KIAA1671: variants seen among roughly 807,000 people sequenced by gnomAD.
KIAA1671 encodes uncharacterized protein KIAA1671.
A neutral mutation model predicts 131.2 loss-of-function variants in KIAA1671; 52 were observed. That is an observed-to-expected ratio of 0.40 (90% CI 0.32 to 0.50). The LOEUF (loss-of-function observed/expected upper bound fraction) is 0.50. Ranked by LOEUF, KIAA1671 falls within the 20% of genes least tolerant of loss-of-function variation. KIAA1671 has a pLI of 0.73. For synonymous variants in KIAA1671, 1,003 were observed against 961.6 expected, an observed-to-expected ratio of 1.04 and a Z score of -0.80; for missense variants, 2,360 against 2,364.2, an observed-to-expected ratio of 1.00 and a Z score of 0.04.
chr22:24,970,995 T>A (rs1922583779), intron 1 of KIAA1671, among the ~76,000 whole-genome samples: 1 of 152,226 alleles, frequency 6.6e-6, no homozygotes, highest in South Asian at 2.1e-4. Context: ...CTCACTCTTG[T>A]TGCCCAGGCT....
intron 6 of KIAA1671, among the ~76,000 whole-genome samples, chr22:25,166,630 T>A (rs1933653161): frequency 6.6e-6 from 1 of 152,204 alleles, no homozygotes; most frequent in African/African-American, 2.4e-5. Flanking sequence ...TGAAAATTGC[T>A]GTCATCATGA....
At chr22:24,963,801 G>A (rs973042499) in intron 1 of KIAA1671, among the ~76,000 whole-genome samples, 7 of 151,742 alleles carry the variant, frequency 4.6e-5, no homozygotes, top group African/African-American at 1.2e-4. Flanking sequence ...TTAGCCGGGC[G>A]TGGTGGCAGG....
intron 1 of KIAA1671, chr22:25,011,002 T>A (rs4496416): frequency 0.69 from 105,163 of 152,040 alleles, 38,045 homozygotes; most frequent in African/African-American, 0.92. Flanking sequence ...TTTGAGACAG[T>A]GTTTCACTCT....
intron 6 of KIAA1671, among the ~76,000 whole-genome samples, chr22:25,100,547 G>A (rs960780409): frequency 1.3e-5 from 2 of 152,216 alleles, no homozygotes; most frequent in African/African-American, 2.4e-5. Flanking sequence ...CCAGCCGTGG[G>A]TTGTGTCACA....
intron 6 of KIAA1671, among the ~76,000 whole-genome samples, chr22:25,092,482 G>T (rs2145879661): frequency 6.6e-6 from 1 of 152,328 alleles, no homozygotes; most frequent in African/African-American, 2.4e-5. Context: ...CTGTAGTGGA[G>T]AGATGAGGGA....
intron 6 of KIAA1671, among the ~76,000 whole-genome samples, chr22:25,131,372 G>C (rs1242452618): frequency 6.6e-6 from 1 of 152,234 alleles, no homozygotes; most frequent in Non-Finnish European, 1.5e-5. Flanking sequence ...TACCTCTTCA[G>C]CTCACAGGTA....
chr22:25,101,102 G>A (rs952805041), intron 6 of KIAA1671, among the ~76,000 whole-genome samples: 3 of 152,160 alleles, frequency 2.0e-5, no homozygotes, highest in Admixed American at 6.5e-5. Context: ...AACTTCAGTC[G>A]CTGTGGTGGA....
chr22:25,179,779 C>T (rs926454198), intron 9 of KIAA1671, among the ~76,000 whole-genome samples: 1 of 152,132 alleles, frequency 6.6e-6, no homozygotes, highest in Non-Finnish European at 1.5e-5. Flanking sequence ...TAAATCCACC[C>T]CTGTATTCTC....
intron 6 of KIAA1671, among the ~76,000 whole-genome samples, chr22:25,095,077 C>G (rs925346569): frequency 4.6e-5 from 7 of 152,218 alleles, no homozygotes; most frequent in African/African-American, 1.7e-4. Context: ...AGTTCACCAG[C>G]CTTCAGACCA....
intron 5 of KIAA1671, 71 bp downstream of exon 5, chr22:25,041,596 G>A: frequency 7.0e-7 from 1 of 1,422,764 alleles, no homozygotes; most frequent in South Asian, 1.5e-5. Context: ...CCGAAACTCA[G>A]ATTTTGTGTG....
rs1568951643 is a variant in KIAA1671, at chr22:25,093,842, C to CTCTCTCTT, written c.4530+44485_4530+44486insTTCTCTCT. On this transcript the variant is annotated intron_variant, in intron 6 of 12. Transcript: ENST00000358431. ...TCTCTCTTTCTCTCTCTGTCTGTCTCTCTCTCTCTCTCTCTCTCTCTCTCT... is the reference window on the plus strand; with the variant it reads ...TCTCTCTTTCTCTCTCTGTCTGTCTCTCTCTCTTTCTCTCTCTCTCTCTCTCTCTCTCT... Among the ~76,000 whole-genome samples, 42 of 64,114 alleles carry CTCTCTCTT rather than the reference C, an allele frequency of 6.6e-4. 9 individuals carry two copies. Among genetic ancestry groups the CTCTCTCTT allele is most frequent in the African/African-American group, 1.3e-3 (27 of 20,058 alleles). 42.1% of individuals were successfully genotyped at this position (64,114 alleles called of 152,430 possible).
intron 6 of KIAA1671, among the ~76,000 whole-genome samples, chr22:25,162,166 TTGTC>T (rs1933468080): frequency 6.6e-6 from 1 of 152,222 alleles, no homozygotes; most frequent in Non-Finnish European, 1.5e-5. Flanking sequence ...GATTGGCACA[TTGTC>T]AGCGCTCAGG....
chr22:25,028,706 C>T lies in KIAA1671; in HGVS notation c.707C>T (p.Pro236Leu), dbSNP rs1214296907. The change falls in exon 3 of 13, where the codon CCT (proline) becomes CTT (leucine). Residue 236 changes from proline to leucine, a missense_variant. Pro to Leu is a moderately conservative substitution (Grantham distance 98, BLOSUM62 -3). Coordinates refer to ENST00000358431, the MANE Select transcript of KIAA1671 (RefSeq NM_001145206.2). ...GCACGCCCCCTTGTGGAGCCCAGGC[C>T]TCGCCTGAAGAGAAGGCCCGTGTCT... ...DTARPLVEPR[P>L]RLKRRPVSAI... is the part of the protein sequence containing the mutation. 1.3e-6 allele frequency: 2 copies of T among 1,551,248 alleles called. No homozygotes were observed. Among genetic ancestry groups the T allele is most frequent in the African/African-American group, 2.7e-5 (2 of 73,184 alleles).
chr22:25,093,838 G>GTCTCTCTCTCTCTCTCTC, intron 6 of KIAA1671, among the ~76,000 whole-genome samples: 1 of 19,642 alleles, frequency 5.1e-5, no homozygotes, highest in African/African-American at 3.4e-4. Flanking sequence ...CTCTCTGTCT[G>GTCTCTCTCTCTCTCTCTC]TCTCTCTCTC....
At chr22:25,121,409 C>T (rs1931937622) in intron 6 of KIAA1671, among the ~76,000 whole-genome samples, 1 of 150,968 alleles carries the variant, frequency 6.6e-6, no homozygotes, top group Non-Finnish European at 1.5e-5. Flanking sequence ...CTGCAGTGAG[C>T]CAAGATCACG....
chr22:24,985,774 T>G (rs1923494818), intron 1 of KIAA1671, among the ~76,000 whole-genome samples: 4 of 143,032 alleles, frequency 2.8e-5, no homozygotes, highest in Non-Finnish European at 4.6e-5. Flanking sequence ...GTGTGTATGG[T>G]GAGGGGAGAG....
At chr22:24,991,140 C>A (rs1408451566) in intron 1 of KIAA1671, among the ~76,000 whole-genome samples, 1 of 152,154 alleles carries the variant, frequency 6.6e-6, no homozygotes, top group Non-Finnish European at 1.5e-5. Context: ...CTGCCTCAGC[C>A]TCCTGAGTAG....
At chr22:25,145,028 T>C (rs1361835702) in intron 6 of KIAA1671, among the ~76,000 whole-genome samples, 1 of 152,250 alleles carries the variant, frequency 6.6e-6, no homozygotes, top group African/African-American at 2.4e-5. Flanking sequence ...TTAATTCCCC[T>C]GGACCATGCA....
intron 6 of KIAA1671, among the ~76,000 whole-genome samples, chr22:25,146,521 A>C (rs1932881842): frequency 6.6e-6 from 1 of 152,188 alleles, no homozygotes; most frequent in African/African-American, 2.4e-5. Flanking sequence ...TTACCATGGG[A>C]GATATGTAGA....
Sources: allele counts gnomAD v4.1 joint callset (sites outside exome capture counted in the v4.1 genomes callset), GRCh38; gene constraint gnomAD v4.1.1; transcripts MANE v1.5; gene names NCBI Gene and HGNC (gene_info 2026-07-23, HGNC 2026-07-21).